TMEM164: variants seen among roughly 807,000 people sequenced by gnomAD.
TMEM164 encodes the protein RP13-360B22.2.
A neutral mutation model predicts 18.8 loss-of-function variants in TMEM164; 4 were observed. That is an observed-to-expected ratio of 0.21 (90% CI 0.10 to 0.49). The LOEUF (loss-of-function observed/expected upper bound fraction) is 0.49, where lower values mean the gene tolerates loss of function less well. Among genes scored for constraint, TMEM164 ranks in the 20% least tolerant of loss-of-function variants. The pLI, the probability that TMEM164 is intolerant of heterozygous loss-of-function variation, is 0.98. For missense variants in TMEM164, 108 were observed against 239.9 expected (o/e 0.45, Z 3.63); for synonymous variants, 86 against 101.7 (o/e 0.85, Z 0.93).
intron 2 of TMEM164, among the ~76,000 whole-genome samples, chrX:110,020,816 C>G (rs1368557539): frequency 9.0e-6 from 1 of 111,171 alleles, no homozygotes; most frequent in East Asian, 2.8e-4. Context: ...GGGAAACAAC[C>G]CATTAATAGC....
chrX:110,003,843 C>T lies in TMEM164; in HGVS notation c.69C>T (p.Gly23=). The change falls in exon 2 of 7, where the codon GGC becomes GGT. Residue 23 remains glycine, a synonymous_variant. Coordinates refer to ENST00000372068, the MANE Select transcript of TMEM164 (RefSeq NM_032227.4). ...LYGGVDPSFA[G]NGGPDCAAFL... ...GGGGCGTGGACCCCAGTTTTGCAGG[C>T]AATGGGGGCCCCGACTGTGCTGCCT... is the stretch of plus-strand genomic sequence containing the variant. The T allele has an allele frequency of 1.7e-6, 2 of 1,211,585 alleles. No homozygotes were observed. The highest frequency in any genetic ancestry group is 2.2e-6 in the Non-Finnish European group (2 of 895,329).
intron 5 of TMEM164, among the ~76,000 whole-genome samples, chrX:110,145,908 C>T (rs191819287): frequency 1.6e-3 from 180 of 112,349 alleles, no homozygotes; most frequent in African/African-American, 5.5e-3. Flanking sequence ...AGAGATTTGC[C>T]TCCTATGCCT....
chrX:110,088,418 T>A lies in TMEM164; in HGVS notation c.441-20662T>A, dbSNP rs745630437. Among the ~76,000 whole-genome samples the A allele has an allele frequency of 2.1e-4, 23 of 111,966 alleles. No individual in the cohort carries two copies. The South Asian group carries it at 8.5e-3, about 41-fold the overall frequency. Reference sequence around the variant, plus strand: ...GCGTTGGACTCATCACTGAAAAAGATAGTTGAGAGGTTGTTTTTGACCTGA... The same window carrying A: ...GCGTTGGACTCATCACTGAAAAAGAAAGTTGAGAGGTTGTTTTTGACCTGA... On this transcript the variant is annotated intron_variant, in intron 3 of 6. Coordinates refer to ENST00000372068, the MANE Select transcript of TMEM164 (RefSeq NM_032227.4).
At chrX:110,022,600 G>A (rs1933955616) in intron 2 of TMEM164, among the ~76,000 whole-genome samples, 1 of 111,745 alleles carries the variant, frequency 8.9e-6, no homozygotes, top group Non-Finnish European at 1.9e-5. Context: ...TATTTGAAAA[G>A]TCTGGTGGGA....
At chrX:110,098,161 G>A (rs73636940) in intron 3 of TMEM164, among the ~76,000 whole-genome samples, 6,351 of 111,929 alleles carry the variant, frequency 0.057, 439 homozygotes, top group African/African-American at 0.19. Flanking sequence ...ACCTTACAGT[G>A]TGTAACCTTT....
chrX:110,102,091 C>T (rs779467302), intron 3 of TMEM164, among the ~76,000 whole-genome samples: 17 of 103,746 alleles, frequency 1.6e-4, no homozygotes, highest in South Asian at 4.6e-4. Context: ...TTTGGGAGGC[C>T]GAGGTGGGTG....
intron 3 of TMEM164, among the ~76,000 whole-genome samples, chrX:110,072,174 G>A (rs1219010941): frequency 9.3e-6 from 1 of 107,715 alleles, no homozygotes; most frequent in Non-Finnish European, 1.9e-5. Context: ...GGTGGCAGGT[G>A]CCTGTAATCC....
chrX:110,173,160 C>T, intron 6 of TMEM164, 85 bp from the exon 7 acceptor site: 4 of 959,413 alleles, frequency 4.2e-6, no homozygotes, highest in Non-Finnish European at 5.9e-6. Flanking sequence ...TCTAGTCCCC[C>T]ATTAGGTAGA....
At chrX:110,098,921 T>A (rs1177996631) in intron 3 of TMEM164, among the ~76,000 whole-genome samples, 1 of 107,433 alleles carries the variant, frequency 9.3e-6, no homozygotes, top group Non-Finnish European at 1.9e-5. Flanking sequence ...TAGCTGGGAC[T>A]ACAAGGCACC....
intron 2 of TMEM164, among the ~76,000 whole-genome samples, chrX:110,035,718 T>A (rs1934762820): frequency 9.1e-6 from 1 of 110,358 alleles, no homozygotes; most frequent in African/African-American, 3.3e-5. Context: ...TTGTCCAGGC[T>A]GGTCTCGAAC....
chrX:110,157,393 G>A (rs1455124132), intron 5 of TMEM164, among the ~76,000 whole-genome samples: 1 of 111,599 alleles, frequency 9.0e-6, no homozygotes, highest in African/African-American at 3.3e-5. Flanking sequence ...TAAGGAAGGA[G>A]GGGTTAAGGG....
chrX:110,152,986 C>G (rs1283554659), intron 5 of TMEM164, among the ~76,000 whole-genome samples: 2 of 111,668 alleles, frequency 1.8e-5, no homozygotes, highest in African/African-American at 6.5e-5. Flanking sequence ...TTTACACTCC[C>G]TTCTTTATAC....
intron 2 of TMEM164, among the ~76,000 whole-genome samples, chrX:110,051,061 C>G (rs1935530833): frequency 8.9e-6 from 1 of 112,280 alleles, no homozygotes; most frequent in Non-Finnish European, 1.9e-5. Flanking sequence ...AGACCTATCT[C>G]TTTGTGCTCC....
chrX:110,043,214 A>T (rs1240184367), intron 2 of TMEM164, among the ~76,000 whole-genome samples: 1 of 113,106 alleles, frequency 8.8e-6, no homozygotes, highest in East Asian at 2.8e-4. Context: ...AGGCATATTT[A>T]TCACAGTGTC....
At chrX:110,122,087 A>T (rs2066457335) in intron 4 of TMEM164, among the ~76,000 whole-genome samples, 1 of 111,325 alleles carries the variant, frequency 9.0e-6, no homozygotes, top group African/African-American at 3.3e-5. Flanking sequence ...ATATACCCAA[A>T]GGACTCTAAA....
intron 4 of TMEM164, among the ~76,000 whole-genome samples, chrX:110,120,338 T>C (rs944678009): frequency 1.8e-5 from 2 of 112,393 alleles, no homozygotes; most frequent in African/African-American, 6.5e-5. Flanking sequence ...TGTTTCTTTA[T>C]GCAATAGAAG....
In TMEM164 at chrX:110,052,395, C is replaced by T. The variant is rs766310418; in HGVS notation, c.391-14952C>T. ...GACCCCTGATCCACTAGTTCTTCTCCCCAGAAACAAACTGCCATTACCAGA... is the reference window on the plus strand; with the variant it reads ...GACCCCTGATCCACTAGTTCTTCTCTCCAGAAACAAACTGCCATTACCAGA... On this transcript the variant is annotated intron_variant, in intron 2 of 6. Transcript: ENST00000372068. Among the ~76,000 whole-genome samples the T allele has an allele frequency of 5.3e-5, 6 of 112,532 alleles. No individual in the cohort carries two copies. In the South Asian group the frequency reaches 2.2e-3, roughly 41 times the overall value.
intron 2 of TMEM164, among the ~76,000 whole-genome samples, chrX:110,038,773 C>G: frequency 9.4e-6 from 1 of 105,836 alleles, no homozygotes; most frequent in Non-Finnish European, 1.9e-5. Flanking sequence ...TAGCACTTCT[C>G]CCTTGGCATA....
At chrX:110,147,980 C>T (rs1462382840) in intron 5 of TMEM164, among the ~76,000 whole-genome samples, 1 of 110,637 alleles carries the variant, frequency 9.0e-6, no homozygotes, top group East Asian at 2.8e-4. Context: ...GTCTCACCTC[C>T]CTTGTCCCTT....
Sources: allele counts gnomAD v4.1 joint callset (sites outside exome capture counted in the v4.1 genomes callset), GRCh38; gene constraint gnomAD v4.1.1; transcripts MANE v1.5; gene names NCBI Gene and HGNC (gene_info 2026-07-23, HGNC 2026-07-21).